Variants in GLT1D1 observed in about 807,000 individuals in gnomAD.
GLT1D1 encodes the protein glycosyltransferase 1 domain containing 1.
Under a neutral mutation model 28.7 loss-of-function variants are expected in GLT1D1, and 21 were observed. That is an observed-to-expected ratio of 0.73 (90% confidence interval 0.52 to 1.05). GLT1D1 has a LOEUF of 1.05. Among genes scored for constraint, GLT1D1 ranks in the 50% least tolerant of loss-of-function variants. GLT1D1 has a pLI of 0.00. For synonymous variants in GLT1D1, 147 were observed against 124.8 expected, an observed-to-expected ratio of 1.18 and a Z score of -1.19; for missense variants, 343 against 330.6, an observed-to-expected ratio of 1.04 and a Z score of -0.29.
Position 128,873,880 on chromosome 12 carries a change from T to TCTCTCTCGC in GLT1D1, c.69-2034_69-2033insCTCTCTCGC, listed in dbSNP as rs1566090321. Reference sequence around the variant, plus strand: ...CCTCCCTCCCTCCCTCCTTCCTTCCTTCCTCTCTCTTGCTCCCTTTCTCTT... The same window carrying TCTCTCTCGC: ...CCTCCCTCCCTCCCTCCTTCCTTCCTCTCTCTCGCTCCTCTCTCTTGCTCCCTTTCTCTT... On this transcript the variant is annotated intron_variant, in intron 1 of 7. Coordinates refer to ENST00000281703, the MANE Select transcript of GLT1D1 (RefSeq NM_144669.3). Among the ~76,000 whole-genome samples the TCTCTCTCGC allele has an allele frequency of 9.7e-3, 1,209 of 124,802 alleles. 32 individuals are homozygous for TCTCTCTCGC. Among genetic ancestry groups the TCTCTCTCGC allele is most frequent in the African/African-American group, 0.033 (1,137 of 34,196 alleles). The allele number at this position is 124,802 out of a possible 152,430, so 81.9% of individuals were successfully genotyped here. A position where few individuals can be genotyped will look rare whatever the true frequency, so the allele number is the denominator to read the frequency against.
In GLT1D1 at chr12:128,888,689, G is replaced by A. The variant is rs1329150091; in HGVS notation, c.268G>A (p.Asp90Asn). The change falls in exon 3 of 8, where the codon GAT becomes AAT. Residue 90 changes from aspartate (D) to asparagine (N), a missense_variant. Transcript: ENST00000281703. Reference sequence around the variant, plus strand: ...CTTTGGTGGAACTGATGTAAATGAAGATGCCAACCAGGCGGAAAAAAACAC... The same window carrying A: ...CTTTGGTGGAACTGATGTAAATGAAAATGCCAACCAGGCGGAAAAAAACAC... 2.5e-6 allele frequency: 4 copies of A among 1,613,878 alleles called. No homozygotes were observed. Among genetic ancestry groups the A allele is most frequent in the Non-Finnish European group, 3.4e-6 (4 of 1,179,912 alleles).
At chr12:128,883,451 A>G (rs962333235) in intron 2 of GLT1D1, among the ~76,000 whole-genome samples, 7 of 151,318 alleles carry the variant, frequency 4.6e-5, no homozygotes, top group African/African-American at 1.7e-4. Flanking sequence ...TTAGCTGGGC[A>G]TGGTGGTGGA....
intron 4 of GLT1D1, 98 bp from the exon 8 acceptor site, chr12:128,927,007 T>C (rs1027254687): frequency 5.5e-6 from 4 of 720,734 alleles, no homozygotes; most frequent in African/African-American, 1.8e-5. Context: ...TATGAAATAA[T>C]TTATGTTATT....
intron 4 of GLT1D1, among the ~76,000 whole-genome samples, chr12:128,905,621 T>G (rs895984938): frequency 4.6e-5 from 7 of 152,342 alleles, no homozygotes; most frequent in Non-Finnish European, 1.0e-4. Flanking sequence ...AATGCCTTTG[T>G]TTATGCTCAA....
intron 4 of GLT1D1, among the ~76,000 whole-genome samples, chr12:128,900,797 G>A (rs1352416652): frequency 2.0e-5 from 3 of 151,938 alleles, no homozygotes; most frequent in African/African-American, 4.8e-5. Context: ...CACCACACCC[G>A]GCTAATTTTT....
chr12:128,913,242 T>C (rs1017000584), intron 4 of GLT1D1, among the ~76,000 whole-genome samples: 1 of 151,504 alleles, frequency 6.6e-6, no homozygotes, highest in Non-Finnish European at 1.5e-5. Flanking sequence ...TGTTTTGAGA[T>C]GAAGTCTTGC....
chr12:128,974,723 G>A (rs1330452253), intron 7 of GLT1D1, among the ~76,000 whole-genome samples: 2 of 152,266 alleles, frequency 1.3e-5, no homozygotes, highest in Non-Finnish European at 2.9e-5. Context: ...CTTAGACCTC[G>A]CTGGAGATGA....
chr12:128,874,158 CTT>C (rs1293192123), intron 1 of GLT1D1, among the ~76,000 whole-genome samples: 3 of 94,792 alleles, frequency 3.2e-5, no homozygotes, highest in African/African-American at 6.9e-5. Context: ...TTCTTTCTTT[CTT>C]TCTTTCTTTC....
intron 4 of GLT1D1, among the ~76,000 whole-genome samples, chr12:128,926,095 C>T (rs1429788407): frequency 6.6e-6 from 1 of 151,706 alleles, no homozygotes; most frequent in African/African-American, 2.4e-5. Flanking sequence ...GAGGCTGAGG[C>T]AGGAGAATTG....
chr12:128,926,923 A>C (rs1450744297), intron 4 of GLT1D1, among the ~76,000 whole-genome samples, 182 bp from the exon 8 acceptor site: 1 of 152,268 alleles, frequency 6.6e-6, no homozygotes, highest in African/African-American at 2.4e-5. Context: ...ACTTAAAATC[A>C]TAAAATGTCA....
At chr12:128,911,946 A>G (rs563088248) in intron 4 of GLT1D1, among the ~76,000 whole-genome samples, 1 of 152,042 alleles carries the variant, frequency 6.6e-6, no homozygotes, top group East Asian at 1.9e-4. Context: ...ACATATTGGC[A>G]GCTCCTCCTT....
At chr12:128,918,644 T>C (rs1385537785) in intron 4 of GLT1D1, among the ~76,000 whole-genome samples, 1 of 152,236 alleles carries the variant, frequency 6.6e-6, no homozygotes, top group Non-Finnish European at 1.5e-5. Context: ...TTCTCAGTAT[T>C]ACAGATGAAC....
At chr12:128,928,622 TTC>T (rs1491040249) in intron 4 of GLT1D1, among the ~76,000 whole-genome samples, 16 of 147,808 alleles carry the variant, frequency 1.1e-4, no homozygotes, top group South Asian at 2.2e-4. Context: ...GTTTTTTTTT[TTC>T]TTTCTTTCTT....
intron 4 of GLT1D1, among the ~76,000 whole-genome samples, chr12:128,929,688 G>C (rs890739729): frequency 6.6e-6 from 1 of 152,196 alleles, no homozygotes; most frequent in Non-Finnish European, 1.5e-5. Flanking sequence ...TAGGCCAGGT[G>C]TGGTGGCTCA....
intron 3 of GLT1D1, among the ~76,000 whole-genome samples, chr12:128,890,346 A>G (rs142963430): frequency 3.2e-4 from 48 of 152,192 alleles, no homozygotes; most frequent in Non-Finnish European, 5.9e-4. Context: ...TTTGAACTCA[A>G]TTTGTTGTCA....
At chr12:128,979,504 T>G (rs899562324) in intron 7 of GLT1D1, among the ~76,000 whole-genome samples, 1 of 152,160 alleles carries the variant, frequency 6.6e-6, no homozygotes, top group Non-Finnish European at 1.5e-5. Flanking sequence ...TGCCCCTGGA[T>G]GTGTGATGGG....
intron 4 of GLT1D1, among the ~76,000 whole-genome samples, chr12:128,907,595 G>A (rs953001484): frequency 1.3e-5 from 2 of 152,096 alleles, no homozygotes; most frequent in African/African-American, 2.4e-5. Context: ...GTAAGCCACC[G>A]TGCCCCGCCA....
intron 4 of GLT1D1, among the ~76,000 whole-genome samples, chr12:128,918,172 G>T (rs1393354801): frequency 6.6e-6 from 1 of 152,176 alleles, no homozygotes; most frequent in Non-Finnish European, 1.5e-5. Flanking sequence ...CATGGATGAA[G>T]CTGGAAGCCG....
In GLT1D1 at chr12:128,915,065, ATGCGGTTTTG is replaced by A; in HGVS notation, c.375+15779_375+15788del. 3 of 1,223,238 alleles carry A rather than the reference ATGCGGTTTTG, an allele frequency of 2.5e-6. No homozygotes were observed. In the Admixed American group the frequency reaches 6.4e-5, roughly 26 times the overall value. The allele number at this position is 1,223,238 out of a possible 1,614,324, so 75.8% of individuals were successfully genotyped here. On this transcript the variant is annotated intron_variant, in intron 4 of 7. Coordinates refer to ENST00000281703, the MANE Select transcript of GLT1D1 (RefSeq NM_144669.3). ...TTACTTTCAGGAGCTTGTGACGTTC[ATGCGGTTTTG>A]AAAAAGTGGTTGTCAGAGAGAACAA...
Sources: allele counts gnomAD v4.1 joint callset (sites outside exome capture counted in the v4.1 genomes callset), GRCh38; gene constraint gnomAD v4.1.1; transcripts MANE v1.5; gene names NCBI Gene and HGNC (gene_info 2026-07-23, HGNC 2026-07-21).